Variants in TXNDC11 observed in about 807,000 individuals in gnomAD.
The protein encoded by TXNDC11 is thioredoxin domain containing 11.
Under a neutral mutation model 78.0 loss-of-function variants are expected in TXNDC11, and 68 were observed. The ratio of observed to expected loss-of-function variants is 0.87; its 90% CI spans 0.72 to 1.07. The LOEUF is 1.07. Among genes scored for constraint, TXNDC11 ranks in the 50% least tolerant of loss-of-function variants. The pLI is 0.00. For missense variants in TXNDC11, 1,389 were observed against 1,221.8 expected, an observed-to-expected ratio of 1.14 and a Z score of -2.04; for synonymous variants, 571 against 495.2, an observed-to-expected ratio of 1.15 and a Z score of -2.03.
chr16:11,685,120 T>C lies in TXNDC11; in HGVS notation c.2154-875A>G, dbSNP rs376737338. Reference sequence around the variant, plus strand: ...GGCTCACGCCTGTAAATCCAACACTTTGGGAGGCCGAGGTGGGTGGACTGT... The same window carrying C: ...GGCTCACGCCTGTAAATCCAACACTCTGGGAGGCCGAGGTGGGTGGACTGT... On this transcript the variant is annotated intron_variant, in intron 10 of 11. Transcript: ENST00000283033. Among the ~76,000 whole-genome samples the C allele has an allele frequency of 5.9e-5, 9 of 152,156 alleles. No homozygotes were observed. In the East Asian group the frequency reaches 1.3e-3, roughly 23 times the overall value.
chr16:11,688,184 G>A (rs2050615790), intron 9 of TXNDC11, 119 bp downstream of exon 9: 1 of 1,113,552 alleles, frequency 9.0e-7, no homozygotes, highest in Non-Finnish European at 1.3e-6. Context: ...TCCATAATTG[G>A]GCCATCACGT....
intron 5 of TXNDC11, among the ~76,000 whole-genome samples, chr16:11,713,266 G>A (rs1400242432): frequency 6.9e-6 from 1 of 145,814 alleles, no homozygotes; most frequent in Non-Finnish European, 1.5e-5. Flanking sequence ...TGGGCACAGA[G>A]TGAGACTCTG....
rs1330399622 is a variant in TXNDC11, at chr16:11,680,787, T to C, written c.2235-950A>G. ...CTGGACCCGGCCGTAAATTGTTTTA[T>C]AATTTTGGGGTAAACATTCAACCAT... is the stretch of plus-strand genomic sequence containing the variant. On this transcript the variant is annotated intron_variant, in intron 11 of 11. Coordinates refer to ENST00000283033, the MANE Select transcript of TXNDC11 (RefSeq NM_015914.7). Among the ~76,000 whole-genome samples the C allele has an allele frequency of 3.3e-5, 5 of 152,298 alleles. No homozygotes were observed. The South Asian group carries it at 8.3e-4, about 25-fold the overall frequency.
intron 5 of TXNDC11, among the ~76,000 whole-genome samples, chr16:11,717,720 C>T (rs956951472): frequency 2.3e-4 from 35 of 150,554 alleles, no homozygotes; most frequent in African/African-American, 8.6e-4. Context: ...ACTCGGGAGG[C>T]TGAGGCAGGA....
At chr16:11,694,815 T>C (rs901541827) in intron 7 of TXNDC11, among the ~76,000 whole-genome samples, 3 of 152,144 alleles carry the variant, frequency 2.0e-5, no homozygotes, top group Non-Finnish European at 4.4e-5. Flanking sequence ...TTTATGTTTC[T>C]ATTCCTTTTA....
chr16:11,689,373 G>C (rs540119107), intron 8 of TXNDC11, among the ~76,000 whole-genome samples: 6 of 152,318 alleles, frequency 3.9e-5, no homozygotes, highest in East Asian at 1.9e-4. Context: ...GAGAATTCAT[G>C]ATCAGCATCT....
At chr16:11,722,749 G>A (rs975168853) in intron 4 of TXNDC11, among the ~76,000 whole-genome samples, 1 of 152,186 alleles carries the variant, frequency 6.6e-6, no homozygotes, top group African/African-American at 2.4e-5. Flanking sequence ...CTCTATATTA[G>A]TAAGTCATTG....
chr16:11,722,980 G>A (rs2051756222), intron 4 of TXNDC11, among the ~76,000 whole-genome samples: 1 of 152,140 alleles, frequency 6.6e-6, no homozygotes, highest in Admixed American at 6.5e-5. Context: ...ATCTAGGCTG[G>A]GTGCAGTAGC....
intron 5 of TXNDC11, among the ~76,000 whole-genome samples, chr16:11,717,826 A>G (rs905399892): frequency 2.0e-5 from 3 of 151,980 alleles, no homozygotes; most frequent in East Asian, 3.8e-4. Context: ...GTCTCAAAAA[A>G]AAAAAAGAAA....
intron 5 of TXNDC11, among the ~76,000 whole-genome samples, chr16:11,717,658 A>G (rs1381761197): frequency 5.3e-5 from 8 of 150,182 alleles, no homozygotes; most frequent in Non-Finnish European, 7.4e-5. Context: ...CGTCTCTACT[A>G]AAAATACAAA....
At chr16:11,735,725 T>G (rs2052200285) in intron 2 of TXNDC11, among the ~76,000 whole-genome samples, 2 of 152,172 alleles carry the variant, frequency 1.3e-5, no homozygotes, top group Non-Finnish European at 2.9e-5. Flanking sequence ...AGAACTAGGA[T>G]TTTCAGTCCC....
chr16:11,679,169 C>A lies in TXNDC11; in HGVS notation c.*26G>T. 6.2e-7 allele frequency: 1 copy of A among 1,604,926 alleles called. No homozygotes were observed. The highest frequency in any genetic ancestry group is 8.5e-7 in the Non-Finnish European group (1 of 1,177,336). The stretch of plus-strand genomic sequence containing the variant: ...TATTCCCAATGTACAATTTTCACCT[C>A]TGATTTCTTCATATCATTTAAAAAG... On this transcript the variant is annotated 3_prime_UTR_variant, in exon 12 of 12. Transcript: ENST00000283033. This position sits in a 1 kb window ranked among gnomAD's most constrained non-coding sequence, Gnocchi z 4.6.
intron 4 of TXNDC11, 74 bp downstream of exon 4, chr16:11,730,564 TAAACCCC>T: frequency 2.1e-6 from 3 of 1,458,966 alleles, no homozygotes; most frequent in Admixed American, 1.9e-5. Flanking sequence ...GGTATTTTTT[TAAACCCC>T]TTTAAAACAA....
intron 7 of TXNDC11, among the ~76,000 whole-genome samples, chr16:11,694,019 T>C (rs1177819667): frequency 6.6e-6 from 1 of 151,946 alleles, no homozygotes; most frequent in Non-Finnish European, 1.5e-5. Context: ...TCATCTCTTT[T>C]AGCTTCAGTA....
chr16:11,722,029 T>C (rs571212539), intron 4 of TXNDC11, among the ~76,000 whole-genome samples: 56 of 152,366 alleles, frequency 3.7e-4, no homozygotes, highest in African/African-American at 1.3e-3. Flanking sequence ...AGTTATGTCC[T>C]CAATCGCTTT....
intron 5 of TXNDC11, among the ~76,000 whole-genome samples, chr16:11,713,874 A>T (rs2051442598): frequency 6.6e-6 from 1 of 152,150 alleles, no homozygotes; most frequent in African/African-American, 2.4e-5. Context: ...CCTAGAACCC[A>T]TGCCATTTGC....
chr16:11,740,163 A>G (rs988051703), intron 1 of TXNDC11, among the ~76,000 whole-genome samples: 2 of 149,974 alleles, frequency 1.3e-5, no homozygotes, highest in Non-Finnish European at 3.0e-5. Context: ...AAAAAAAAAA[A>G]TCCTATTCTC....
chr16:11,737,774 G>A (rs1597503725), intron 1 of TXNDC11, among the ~76,000 whole-genome samples: 1 of 149,200 alleles, frequency 6.7e-6, no homozygotes, highest in African/African-American at 2.5e-5. Flanking sequence ...GCTGAGGCAG[G>A]AGAATTGTGT....
intron 6 of TXNDC11, among the ~76,000 whole-genome samples, chr16:11,698,614 G>A (rs1485352729): frequency 6.6e-6 from 1 of 152,238 alleles, no homozygotes; most frequent in East Asian, 1.9e-4. Flanking sequence ...GCCAGCTGGT[G>A]GCGATAACAA....
Sources: allele counts gnomAD v4.1 joint callset (sites outside exome capture counted in the v4.1 genomes callset), GRCh38; gene constraint gnomAD v4.1.1; non-coding constraint Gnocchi (gnomAD v3.1); transcripts MANE v1.5; gene names NCBI Gene and HGNC (gene_info 2026-07-23, HGNC 2026-07-21).